Variants in SATL1 observed in about 807,000 individuals in gnomAD.
SATL1 encodes spermidine/spermine N1-acetyl transferase like 1, also known as spermidine/spermine N(1)-acetyltransferase-like protein 1.
In SATL1, 47 loss-of-function variants were observed where a neutral mutation model predicts 51.8. That is an observed-to-expected ratio of 0.91 (90% CI 0.72 to 1.16). The LOEUF (loss-of-function observed/expected upper bound fraction) is 1.16. Among genes scored for constraint, SATL1 ranks in the 50% most tolerant of loss-of-function variants. SATL1 has a pLI of 0.00. For synonymous variants in SATL1, 176 were observed against 182.4 expected (o/e 0.97, Z 0.28); for missense variants, 520 against 526.4 (o/e 0.99, Z 0.12).
At chrX:85,135,761 A>ATTTTTTTTTTTTTTTTTTTT (rs1569234174) in intron 2 of SATL1, among the ~76,000 whole-genome samples, 1 of 102,534 alleles carries the variant, frequency 9.8e-6, no homozygotes, top group African/African-American at 3.7e-5. Context: ...TGTACTTTTC[A>ATTTTTTTTTTTTTTTTTTTT]TAGAGATGGG....
chrX:85,243,466 C>T (rs781492168), intron 1 of SATL1, 122 bp downstream of exon 1: 2 of 111,851 alleles, frequency 1.8e-5, no homozygotes, highest in South Asian at 7.6e-4. Context: ...CCTTTCTATA[C>T]CTTTCTTCAC....
intron 2 of SATL1, among the ~76,000 whole-genome samples, chrX:85,160,665 A>G (rs988538012): frequency 9.0e-6 from 1 of 111,280 alleles, no homozygotes; most frequent in Non-Finnish European, 1.9e-5. Context: ...AAAACCTCCG[A>G]GAAATATGAC....
chrX:85,176,667 T>C (rs1927087450), intron 2 of SATL1, among the ~76,000 whole-genome samples: 1 of 111,394 alleles, frequency 9.0e-6, no homozygotes. Context: ...TATGTACATA[T>C]TTGTTTACAT....
intron 2 of SATL1, among the ~76,000 whole-genome samples, chrX:85,186,218 C>T (rs1261067277): frequency 1.9e-5 from 2 of 106,679 alleles, no homozygotes; most frequent in Admixed American, 1.0e-4. Flanking sequence ...GTCCTCTTTA[C>T]TCTACCCTGT....
rs752086030 is a variant in SATL1, at chrX:85,159,211, T to C, written c.-312-49931A>G. On this transcript the variant is annotated intron_variant, in intron 2 of 7. Transcript: ENST00000644105. ...TTAGTTACAGCTTTATGACTGTGCA[T>C]ATTTGCATGGTTAAATCACTATGTC... 4.5e-5 allele frequency among the ~76,000 whole-genome samples: 5 copies of C among 111,937 alleles called. No homozygotes were observed. The East Asian group carries it at 1.4e-3, about 32-fold the overall frequency.
chrX:85,111,146 CTT>C (rs1420331229), intron 2 of SATL1, among the ~76,000 whole-genome samples: 1 of 112,816 alleles, frequency 8.9e-6, no homozygotes, highest in Non-Finnish European at 1.9e-5. Flanking sequence ...TGAAGTTTGT[CTT>C]TTACTTTCTT....
rs950243438 is a variant in SATL1 at position 85,094,339 on chromosome X, C to T, written c.1775-110G>A. The T allele has an allele frequency of 1.3e-5, 6 of 463,669 alleles. No homozygotes were observed. In the African/African-American group the frequency reaches 1.5e-4, roughly 11 times the overall value. The allele number at this position is 463,669 out of a possible 1,213,427, so 38.2% of individuals were successfully genotyped here. A position where few individuals can be genotyped will look rare whatever the true frequency, so the allele number is the denominator to read the frequency against. ...TGTTTAACTATTAAAGTAATAAATGCTCACTGGAAAAAAATAACAATACAA... is the reference window on the plus strand; with the variant it reads ...TGTTTAACTATTAAAGTAATAAATGTTCACTGGAAAAAAATAACAATACAA... On this transcript the variant is annotated intron_variant, in intron 5 of 7. Coordinates refer to ENST00000644105, the MANE Select transcript of SATL1 (RefSeq NM_001367857.2).
At chrX:85,189,762 C>T (rs1288085010) in intron 2 of SATL1, among the ~76,000 whole-genome samples, 3 of 111,814 alleles carry the variant, frequency 2.7e-5, no homozygotes, top group Admixed American at 1.9e-4. Context: ...ACAATTGGAG[C>T]GAGACAACTG....
At chrX:85,168,269 T>A (rs781015328) in intron 2 of SATL1, among the ~76,000 whole-genome samples, 8 of 111,099 alleles carry the variant, frequency 7.2e-5, no homozygotes, top group African/African-American at 2.6e-4. Context: ...GTATCAGAAG[T>A]CCTGGCCAGA....
At chrX:85,105,458 A>G (rs988940568) in intron 3 of SATL1, among the ~76,000 whole-genome samples, 1 of 111,780 alleles carries the variant, frequency 8.9e-6, no homozygotes, top group Admixed American at 9.5e-5. Flanking sequence ...TAAAATATTA[A>G]TATGACCCAG....
At chrX:85,130,147 A>G (rs375206241) in intron 2 of SATL1, among the ~76,000 whole-genome samples, 5 of 111,694 alleles carry the variant, frequency 4.5e-5, no homozygotes, top group Non-Finnish European at 9.4e-5. Flanking sequence ...GAATCAGGAT[A>G]ATGCTGGCCT....
intron 2 of SATL1, among the ~76,000 whole-genome samples, chrX:85,188,742 C>T (rs749510409): frequency 8.9e-6 from 1 of 112,094 alleles, no homozygotes; most frequent in Non-Finnish European, 1.9e-5. Context: ...ATGTGGATTG[C>T]AAATTTCTTA....
At chrX:85,118,087 C>CT (rs747093188) in intron 2 of SATL1, among the ~76,000 whole-genome samples, 962 of 46,141 alleles carry the variant, frequency 0.021, 176 homozygotes, top group Middle Eastern at 0.049. Context: ...AAGAACTTAG[C>CT]TTTTTTTTTT....
At chrX:85,118,333 C>T (rs1029815288) in intron 2 of SATL1, 6 of 109,916 alleles carry the variant, frequency 5.5e-5, no homozygotes, top group African/African-American at 2.0e-4. Context: ...GTTAAAGTTG[C>T]TTACCACACA....
Position 85,095,109 on chromosome X carries a change from C to G in SATL1, c.1694-113G>C, listed in dbSNP as rs182322963. ...TCCACCTGGATAGCAATTGTATTGG[C>G]GGAAACTGAAGTGAATATTTTGGAA... On this transcript the variant is annotated intron_variant, in intron 4 of 7. Coordinates refer to ENST00000644105, the MANE Select transcript of SATL1 (RefSeq NM_001367857.2). The G allele has an allele frequency of 4.8e-5, 23 of 479,065 alleles. No homozygotes were observed. The East Asian group carries it at 8.6e-4, about 18-fold the overall frequency. The allele number at this position is 479,065 out of a possible 1,213,427, so 39.5% of individuals were successfully genotyped here.
At chrX:85,214,189 G>A (rs1927988033) in intron 2 of SATL1, among the ~76,000 whole-genome samples, 1 of 111,906 alleles carries the variant, frequency 8.9e-6, no homozygotes, top group South Asian at 3.7e-4. Flanking sequence ...TCTGCAGGCT[G>A]TACAAGAAAC....
chrX:85,173,951 T>C (rs1011755397), intron 2 of SATL1, among the ~76,000 whole-genome samples: 47 of 83,388 alleles, frequency 5.6e-4, no homozygotes, highest in African/African-American at 2.1e-3. Flanking sequence ...GGCCCTGGTG[T>C]GTGATGTTCC....
chrX:85,159,174 A>G (rs1249364675), intron 2 of SATL1, among the ~76,000 whole-genome samples: 2 of 111,960 alleles, frequency 1.8e-5, no homozygotes, highest in East Asian at 2.8e-4. Flanking sequence ...ACTCCACCCT[A>G]TAAGTACCTG....
chrX:85,211,655 G>A (rs887980647), intron 2 of SATL1: 3 of 111,215 alleles, frequency 2.7e-5, no homozygotes, highest in African/African-American at 6.5e-5. Flanking sequence ...GTCACTTACT[G>A]CTTAGAGTGG....
Sources: gnomAD v4.1 joint callset for allele counts (sites outside exome capture counted in the v4.1 genomes callset) on GRCh38, gnomAD v4.1.1 for gene constraint, MANE v1.5 for transcripts, NCBI Gene and HGNC (gene_info 2026-07-23, HGNC 2026-07-21) for gene names.